SLC39A12: variants seen among roughly 807,000 people sequenced by gnomAD.
The protein encoded by SLC39A12 is zinc transporter ZIP12.
A neutral mutation model predicts 71.1 loss-of-function variants in SLC39A12; 63 were observed. The observed-to-expected ratio is 0.89, with a 90% CI of 0.72 to 1.09. The LOEUF is 1.09. SLC39A12 is among the 50% of genes least tolerant of loss of function. The pLI is 0.00. For synonymous variants in SLC39A12, 351 were observed against 301.3 expected, an observed-to-expected ratio of 1.16 and a Z score of -1.71; for missense variants, 892 against 812.6, an observed-to-expected ratio of 1.10 and a Z score of -1.19.
chr10:18,031,382 A>G (rs1309509453), intron 12 of SLC39A12, among the ~76,000 whole-genome samples: 1 of 136,406 alleles, frequency 7.3e-6, no homozygotes, highest in Non-Finnish European at 1.6e-5. Context: ...TTTGATTTGC[A>G]TTTCTCTGAT....
intron 2 of SLC39A12, among the ~76,000 whole-genome samples, chr10:17,958,871 T>G (rs1834614889): frequency 6.6e-6 from 1 of 152,188 alleles, no homozygotes; most frequent in African/African-American, 2.4e-5. Context: ...TGGTGGATTA[T>G]TACATAGGCT....
intron 6 of SLC39A12, among the ~76,000 whole-genome samples, chr10:17,981,743 C>T (rs1292961641): frequency 6.6e-6 from 1 of 152,166 alleles, no homozygotes; most frequent in South Asian, 2.1e-4. Context: ...CAAACCCAGG[C>T]AAGCTGGCCC....
intron 12 of SLC39A12, among the ~76,000 whole-genome samples, chr10:18,030,058 T>C (rs1484036449): frequency 6.6e-6 from 1 of 150,742 alleles, no homozygotes; most frequent in African/African-American, 2.4e-5. Flanking sequence ...TCCATAATCA[T>C]ACTAAAAAGA....
At chr10:18,010,550 A>G (rs1564656194) in intron 12 of SLC39A12, 1 of 152,186 alleles carries the variant, frequency 6.6e-6, no homozygotes, top group Non-Finnish European at 1.5e-5. Context: ...AAAGACTTCT[A>G]TTCTCTTTCT....
chr10:17,991,808 G>T (rs1003248431), intron 8 of SLC39A12, among the ~76,000 whole-genome samples: 22 of 152,058 alleles, frequency 1.4e-4, no homozygotes, highest in African/African-American at 5.1e-4. Context: ...ACAGATATGG[G>T]CCGGGCGCTG....
chr10:18,038,085 T>G (rs1342284130), intron 12 of SLC39A12, among the ~76,000 whole-genome samples: 2 of 114,582 alleles, frequency 1.7e-5, no homozygotes, highest in Admixed American at 9.6e-5. Flanking sequence ...TATCATAGGG[T>G]CCATTATTTC....
At chr10:17,965,775 C>A in intron 4 of SLC39A12, 85 bp downstream of exon 4, 1 of 1,098,470 alleles carries the variant, frequency 9.1e-7, no homozygotes, top group Non-Finnish European at 1.3e-6. Flanking sequence ...CTCTTGATGA[C>A]TGAATTCGTT....
chr10:17,970,383 G>C (rs1221760416), intron 4 of SLC39A12, among the ~76,000 whole-genome samples: 1 of 151,964 alleles, frequency 6.6e-6, no homozygotes, highest in Non-Finnish European at 1.5e-5. Flanking sequence ...GGAAAGTATG[G>C]ACATTTTAAC....
chr10:18,003,189 T>C lies in SLC39A12; in HGVS notation c.1778T>C (p.Leu593Ser), dbSNP rs1396714809. Residue 593 changes from leucine to serine, a missense_variant, in exon 12 of 13, where the codon TTA becomes TCA. Transcript: ENST00000377369. ...ACTTCAGGAGACTTTGCCGTGCTCTTAAGCTCTGGACTTTCTATGAAGACT... is the reference window on the plus strand; with the variant it reads ...ACTTCAGGAGACTTTGCCGTGCTCTCAAGCTCTGGACTTTCTATGAAGACT... ...PHEMGDFAVL[L>S]SSGLSMKTAI... The C allele has an allele frequency of 1.2e-6, 2 of 1,613,696 alleles. No individual in the cohort carries two copies. The highest frequency in any genetic ancestry group is 1.7e-6 in the Non-Finnish European group (2 of 1,179,936).
intron 12 of SLC39A12, among the ~76,000 whole-genome samples, chr10:18,030,810 A>T (rs1589257329): frequency 1.4e-5 from 1 of 69,058 alleles, no homozygotes; most frequent in Non-Finnish European, 2.6e-5. Flanking sequence ...CCCCCACCCC[A>T]CCACAGTCCC....
chr10:17,956,604 A>G (rs148919316), intron 2 of SLC39A12, among the ~76,000 whole-genome samples: 3 of 152,310 alleles, frequency 2.0e-5, no homozygotes, highest in Admixed American at 6.5e-5. Flanking sequence ...ACACTAGAGC[A>G]GCGCCATTCC....
At chr10:18,007,408 A>G (rs1396137413) in intron 12 of SLC39A12, 1 of 152,096 alleles carries the variant, frequency 6.6e-6, no homozygotes, top group Non-Finnish European at 1.5e-5. Flanking sequence ...TTCTCTCCTC[A>G]CCATGCAGCA....
At chr10:17,962,563 T>TA (rs1834719446) in intron 3 of SLC39A12, among the ~76,000 whole-genome samples, 1 of 151,944 alleles carries the variant, frequency 6.6e-6, no homozygotes, top group South Asian at 2.1e-4. Context: ...TTTTTTTTTT[T>TA]AAAGAATTAA....
In SLC39A12 at chr10:17,957,060, C is replaced by G. The variant is rs1329602949; in HGVS notation, c.261+3523C>G. Among the ~76,000 whole-genome samples the G allele has an allele frequency of 5.9e-5, 9 of 152,092 alleles. No individual in the cohort carries two copies. In the East Asian group the frequency reaches 1.4e-3, roughly 23 times the overall value. On this transcript the variant is annotated intron_variant, in intron 2 of 12. Coordinates refer to ENST00000377369, the MANE Select transcript of SLC39A12 (RefSeq NM_001145195.2). ...TAGAAACCTGAGAACTTAAAAGAGA[C>G]TGTCTTCTTTTAAGTTCTCAAGTTT...
chr10:17,967,487 T>G (rs1351460406), intron 4 of SLC39A12, among the ~76,000 whole-genome samples: 1 of 152,204 alleles, frequency 6.6e-6, no homozygotes, highest in Non-Finnish European at 1.5e-5. Context: ...CTTATTGAGG[T>G]TCTTAAGGGA....
intron 3 of SLC39A12, among the ~76,000 whole-genome samples, chr10:17,962,439 C>G (rs2130780450): frequency 6.6e-6 from 1 of 152,280 alleles, no homozygotes; most frequent in African/African-American, 2.4e-5. Flanking sequence ...CTGTTGCCTT[C>G]ATTACTATTC....
chr10:17,969,771 T>C (rs55654362), intron 4 of SLC39A12, among the ~76,000 whole-genome samples: 5,063 of 152,250 alleles, frequency 0.033, 268 homozygotes, highest in African/African-American at 0.11. Flanking sequence ...TCTTTTGCTG[T>C]GCAGCTTTGT....
chr10:18,036,849 C>T (rs1182005732), intron 12 of SLC39A12, among the ~76,000 whole-genome samples: 1 of 143,922 alleles, frequency 6.9e-6, no homozygotes, highest in African/African-American at 2.6e-5. Flanking sequence ...TGCAGTGGCA[C>T]AGTCTCGACT....
chr10:18,030,214 T>C lies in SLC39A12; in HGVS notation c.1948-12491T>C, dbSNP rs1311000947. On this transcript the variant is annotated intron_variant, in intron 12 of 12. Coordinates refer to ENST00000377369, the MANE Select transcript of SLC39A12 (RefSeq NM_001145195.2). ...ATCTCCTTGAACTTTTTTTGAAATGTTGATTTGCACTGTTTGCCCATATCT... is the reference window on the plus strand; with the variant it reads ...ATCTCCTTGAACTTTTTTTGAAATGCTGATTTGCACTGTTTGCCCATATCT... Among the ~76,000 whole-genome samples the C allele has an allele frequency of 1.3e-5, 2 of 152,192 alleles. 1 individual carries two copies. The highest frequency in any genetic ancestry group is 3.8e-4 in the East Asian group (2 of 5,196).
Sources: gnomAD v4.1 joint callset for allele counts (sites outside exome capture counted in the v4.1 genomes callset) on GRCh38, gnomAD v4.1.1 for gene constraint, MANE v1.5 for transcripts, NCBI Gene and HGNC (gene_info 2026-07-23, HGNC 2026-07-21) for gene names.